IDE: variants seen among roughly 807,000 people sequenced by gnomAD.
IDE encodes insulin-degrading enzyme.
IDE carries 58 observed loss-of-function variants against 133.2 expected under a neutral mutation model. The observed-to-expected ratio is 0.44, with a 90% CI of 0.35 to 0.54. IDE has a LOEUF of 0.54. IDE is among the 20% of genes least tolerant of loss of function. IDE has a pLI of 0.00. For synonymous variants in IDE, 396 were observed against 421.3 expected, an observed-to-expected ratio of 0.94 and a Z score of 0.73; for missense variants, 981 against 1,234.0, an observed-to-expected ratio of 0.79 and a Z score of 3.07.
chr10:92,530,253 T>C (rs1357123357), intron 4 of IDE, among the ~76,000 whole-genome samples: 3 of 151,140 alleles, frequency 2.0e-5, no homozygotes, highest in South Asian at 4.2e-4. Flanking sequence ...AATAAATAAA[T>C]AAATAACCAT....
At chr10:92,553,479 G>C (rs767828916) in intron 1 of IDE, among the ~76,000 whole-genome samples, 2 of 150,386 alleles carry the variant, frequency 1.3e-5, no homozygotes, top group African/African-American at 2.4e-5. Context: ...AAAGAAGAGA[G>C]AATACCTCCA....
intron 1 of IDE, among the ~76,000 whole-genome samples, chr10:92,560,287 C>A (rs1462091068): frequency 2.0e-5 from 3 of 152,176 alleles, no homozygotes; most frequent in Non-Finnish European, 2.9e-5. Flanking sequence ...GGAACGGTGT[C>A]TTCCCAGTGT....
intron 1 of IDE, among the ~76,000 whole-genome samples, chr10:92,559,656 T>C (rs189103464): frequency 4.6e-5 from 7 of 152,262 alleles, no homozygotes; most frequent in Admixed American, 3.9e-4. Flanking sequence ...ATGTTTCTTT[T>C]TGAGGTGACG....
intron 1 of IDE, among the ~76,000 whole-genome samples, chr10:92,555,876 TAGAA>T (rs1179453992): frequency 6.6e-6 from 1 of 151,798 alleles, no homozygotes; most frequent in Non-Finnish European, 1.5e-5. Flanking sequence ...GCGTACAAAT[TAGAA>T]AGAAAAAAGT....
rs113754302 is a variant in IDE, at chr10:92,487,166, A to C, written c.1656+30T>G. 16 of 1,597,324 alleles carry C rather than the reference A, an allele frequency of 1.0e-5. No individual in the cohort carries two copies. The African/African-American group carries it at 1.3e-4, about 13-fold the overall frequency. On this transcript the variant is annotated intron_variant, in intron 13 of 24. Coordinates refer to ENST00000265986, the MANE Select transcript of IDE (RefSeq NM_004969.4). Reference sequence around the variant, plus strand: ...CCCCATGTATTAGGTCTGTCCCCCAAATTTAAAATCACTGATTCAAACACA... The same window carrying C: ...CCCCATGTATTAGGTCTGTCCCCCACATTTAAAATCACTGATTCAAACACA...
At chr10:92,570,549 G>T (rs1199929501) in intron 1 of IDE, among the ~76,000 whole-genome samples, 1 of 152,088 alleles carries the variant, frequency 6.6e-6, no homozygotes, top group African/African-American at 2.4e-5. Flanking sequence ...CTGGCTAAAA[G>T]GTAGCCTGAT....
intron 18 of IDE, among the ~76,000 whole-genome samples, chr10:92,469,354 C>G (rs1013901714): frequency 6.6e-6 from 1 of 152,048 alleles, no homozygotes; most frequent in Non-Finnish European, 1.5e-5. Context: ...AATCTTGCTT[C>G]TGCCACTTAT....
chr10:92,460,705 C>G (rs753005896), intron 22 of IDE, among the ~76,000 whole-genome samples: 1 of 152,216 alleles, frequency 6.6e-6, no homozygotes, highest in African/African-American at 2.4e-5. Context: ...GAAAACAGTA[C>G]TTGGTTCAAT....
chr10:92,552,419 A>G (rs1370778999), intron 1 of IDE, among the ~76,000 whole-genome samples: 1 of 152,202 alleles, frequency 6.6e-6, no homozygotes, highest in Non-Finnish European at 1.5e-5. Flanking sequence ...ATACAAACTT[A>G]TATTTTTATT....
At chr10:92,482,444 G>T (rs1426961562) in intron 14 of IDE, among the ~76,000 whole-genome samples, 2 of 152,154 alleles carry the variant, frequency 1.3e-5, no homozygotes, top group Non-Finnish European at 2.9e-5. Context: ...TATTAGTAAT[G>T]TTTAAGTAAT....
At chr10:92,545,057 A>G (rs1461450419) in intron 1 of IDE, among the ~76,000 whole-genome samples, 2 of 152,180 alleles carry the variant, frequency 1.3e-5, no homozygotes, top group Non-Finnish European at 2.9e-5. Flanking sequence ...GTATTTTTTT[A>G]AAGTCAGCAA....
Position 92,464,603 on chromosome 10 carries a change from C to A in IDE, c.2489-600G>T, listed in dbSNP as rs114108621. Among the ~76,000 whole-genome samples, 671 of 152,272 alleles carry A rather than the reference C, an allele frequency of 4.4e-3. 3 individuals are homozygous for A. The highest frequency in any genetic ancestry group is 0.034 in the Middle Eastern group (10 of 294). On this transcript the variant is annotated intron_variant, in intron 20 of 24. Transcript: ENST00000265986. ...CTTCAGCTGCCCTGCCCTGATCTAC[C>A]ACCTCCAACAGCTGTGGTGCCTCTG...
chr10:92,561,924 A>G (rs559368341), intron 1 of IDE, among the ~76,000 whole-genome samples: 50 of 152,314 alleles, frequency 3.3e-4, no homozygotes, highest in African/African-American at 1.0e-3. Flanking sequence ...GTATGTCTGA[A>G]AACTACTAAG....
At chr10:92,454,734 G>A (rs1844901322) in intron 24 of IDE, among the ~76,000 whole-genome samples, 195 bp from the exon 25 acceptor site, 1 of 152,162 alleles carries the variant, frequency 6.6e-6, no homozygotes, top group Admixed American at 6.5e-5. Flanking sequence ...CAGTATGTCT[G>A]GAGGGTCGTG....
chr10:92,534,915 C>T (rs1272833262), intron 2 of IDE, 130 bp from the exon 3 acceptor site: 1 of 648,272 alleles, frequency 1.5e-6, no homozygotes, highest in Admixed American at 2.9e-5. Flanking sequence ...CACAAGCTAC[C>T]TAAAATGATA....
chr10:92,454,114 G>A lies in IDE; in HGVS notation c.*330C>T, dbSNP rs545937333. 87 of 172,500 alleles carry A rather than the reference G, an allele frequency of 5.0e-4. No homozygotes were observed. The highest frequency in any genetic ancestry group is 2.0e-3 in the African/African-American group (82 of 41,962). The allele number at this position is 172,500 out of a possible 1,614,324, so 10.7% of individuals were successfully genotyped here. A position where few individuals can be genotyped will look rare whatever the true frequency, so the allele number is the denominator to read the frequency against. On this transcript the variant is annotated 3_prime_UTR_variant, in exon 25 of 25. Transcript: ENST00000265986. ...AAAGAGCTAACTTTTAACTTTCTTC[G>A]GACAAGTGACTATTTTACAGAATAG...
At chr10:92,563,703 C>T (rs946624864) in intron 1 of IDE, among the ~76,000 whole-genome samples, 3 of 151,094 alleles carry the variant, frequency 2.0e-5, no homozygotes, top group Admixed American at 6.6e-5. Context: ...TGCAGTGAGC[C>T]GGGATCACGC....
chr10:92,461,330 A>C (rs1208171602), intron 21 of IDE, 78 bp from the exon 22 acceptor site: 3 of 700,130 alleles, frequency 4.3e-6, no homozygotes, highest in Non-Finnish European at 7.7e-6. Flanking sequence ...ATGACAATAT[A>C]CTTCACTCCA....
intron 1 of IDE, among the ~76,000 whole-genome samples, chr10:92,556,618 C>T (rs541868853): frequency 3.9e-5 from 6 of 152,164 alleles, no homozygotes; most frequent in African/African-American, 1.4e-4. Context: ...ATTAGCCGGG[C>T]GTGGTGGTGG....
Sources: gnomAD v4.1 joint callset for allele counts (sites outside exome capture counted in the v4.1 genomes callset) on GRCh38, gnomAD v4.1.1 for gene constraint, MANE v1.5 for transcripts, NCBI Gene and HGNC (gene_info 2026-07-23, HGNC 2026-07-21) for gene names.